CPPED1: variants seen among roughly 807,000 people sequenced by gnomAD.
CPPED1 encodes the protein calcineurin like phosphoesterase domain containing 1.
CPPED1 carries 28 observed loss-of-function variants against 28.0 expected under a neutral mutation model. That is an observed-to-expected ratio of 1.00 (90% CI 0.74 to 1.37). The LOEUF is 1.37. Ranked by LOEUF, CPPED1 falls within the 40% of genes most tolerant of loss-of-function variation. The probability of loss-of-function intolerance (pLI) is 0.00; values close to 1 mark genes in which losing one functional copy is unlikely to be tolerated. For missense variants in CPPED1, 504 were observed against 416.5 expected (o/e 1.21, Z -1.83); for synonymous variants, 198 against 180.2 (o/e 1.10, Z -0.79).
At chr16:12,745,491 T>C (rs1660718188) in intron 2 of CPPED1, among the ~76,000 whole-genome samples, 2 of 152,028 alleles carry the variant, frequency 1.3e-5, no homozygotes, top group African/African-American at 4.8e-5. Context: ...TACACAGCTA[T>C]AAAAAAAGGA....
At chr16:12,801,804 G>C (rs2080661461) in intron 1 of CPPED1, among the ~76,000 whole-genome samples, 1 of 152,168 alleles carries the variant, frequency 6.6e-6, no homozygotes, top group African/African-American at 2.4e-5. Flanking sequence ...GGTGGGGGTT[G>C]GGTGGACGAA....
At chr16:12,730,744 C>T (rs1210588223) in intron 2 of CPPED1, among the ~76,000 whole-genome samples, 3 of 152,116 alleles carry the variant, frequency 2.0e-5, no homozygotes, top group African/African-American at 7.2e-5. Flanking sequence ...ACAAGCAAAC[C>T]CAACTAGTCC....
chr16:12,756,856 T>C (rs1210969316), intron 2 of CPPED1, among the ~76,000 whole-genome samples: 1 of 152,038 alleles, frequency 6.6e-6, no homozygotes, highest in African/African-American at 2.4e-5. Context: ...ATCAAAGTTA[T>C]AGACACCTAC....
intron 1 of CPPED1, among the ~76,000 whole-genome samples, chr16:12,794,935 C>T (rs953458933): frequency 3.9e-5 from 6 of 152,202 alleles, no homozygotes. Context: ...CGTGGCCAGG[C>T]GGCTTTTGGC....
intron 2 of CPPED1, chr16:12,759,391 C>T (rs1467719431): frequency 6.6e-6 from 1 of 152,260 alleles, no homozygotes; most frequent in Non-Finnish European, 1.5e-5. Context: ...GTGTCACTCA[C>T]TAAAGGCTCA....
In CPPED1 at chr16:12,665,738, G is replaced by A. The variant is rs200714762; in HGVS notation, c.716-623C>T. On this transcript the variant is annotated intron_variant, in intron 3 of 3. Transcript: ENST00000381774. The stretch of plus-strand genomic sequence containing the variant: ...AGGTCAGGAGTTTGAGACCAGCGTG[G>A]CCAATATGGTGAAATCTCATACTAA... 1.3e-4 allele frequency among the ~76,000 whole-genome samples: 20 copies of A among 152,266 alleles called. No individual in the cohort carries two copies. In the East Asian group the frequency reaches 3.5e-3, roughly 26 times the overall value.
At chr16:12,786,029 A>T (rs969596205) in intron 1 of CPPED1, among the ~76,000 whole-genome samples, 4 of 152,080 alleles carry the variant, frequency 2.6e-5, no homozygotes, top group Non-Finnish European at 5.9e-5. Flanking sequence ...CAAACAGTAC[A>T]TGCCTGACAA....
chr16:12,776,144 T>A (rs1170288020), intron 2 of CPPED1, among the ~76,000 whole-genome samples: 1 of 151,896 alleles, frequency 6.6e-6, no homozygotes, highest in Non-Finnish European at 1.5e-5. Flanking sequence ...AGAATCAGAG[T>A]AACAGAATAT....
chr16:12,743,947 C>T (rs28445351), intron 2 of CPPED1, among the ~76,000 whole-genome samples: 4,429 of 150,590 alleles, frequency 0.029, 137 homozygotes, highest in African/African-American at 0.08. Context: ...AGAGCAAGAC[C>T]CTGTCTCAAA....
chr16:12,720,126 T>C lies in CPPED1; in HGVS notation c.290-15077A>G, dbSNP rs144182661. Among the ~76,000 whole-genome samples, 587 of 152,290 alleles carry C rather than the reference T, an allele frequency of 3.9e-3. 8 individuals are homozygous for C. Among genetic ancestry groups the C allele is most frequent in the African/African-American group, 0.014 (568 of 41,570 alleles). On this transcript the variant is annotated intron_variant, in intron 2 of 3. Transcript: ENST00000381774. ...GCCTAGACAGGAGAGCACAGATGCC[T>C]TCACACCGATCCTGTCTTCCCGAGA...
At chr16:12,733,859 G>C (rs2080212179) in intron 2 of CPPED1, among the ~76,000 whole-genome samples, 1 of 151,912 alleles carries the variant, frequency 6.6e-6, no homozygotes, top group South Asian at 2.1e-4. Context: ...ACAGCTACTT[G>C]ACTTCTTAAT....
At chr16:12,751,889 T>A (rs1383493543) in intron 2 of CPPED1, among the ~76,000 whole-genome samples, 1 of 152,210 alleles carries the variant, frequency 6.6e-6, no homozygotes, top group Non-Finnish European at 1.5e-5. Context: ...TGTAGCCCAA[T>A]ACCTAATCCT....
At chr16:12,788,868 G>A (rs928161515) in intron 1 of CPPED1, among the ~76,000 whole-genome samples, 6 of 152,196 alleles carry the variant, frequency 3.9e-5, no homozygotes, top group Non-Finnish European at 5.9e-5. Flanking sequence ...CTGGTCGGCC[G>A]TGATGTTCAG....
At chr16:12,766,409 G>A (rs1311740809) in intron 2 of CPPED1, among the ~76,000 whole-genome samples, 3 of 151,512 alleles carry the variant, frequency 2.0e-5, no homozygotes, top group Admixed American at 2.0e-4. Context: ...TCACGTGGCT[G>A]GGAGGCAGAA....
chr16:12,803,866 T>C lies in CPPED1; in HGVS notation c.-90A>G. 1 of 1,274,226 alleles carries C rather than the reference T, an allele frequency of 7.8e-7. No homozygotes were observed. Among genetic ancestry groups the C allele is most frequent in the African/African-American group, 1.5e-5 (1 of 65,204 alleles). The allele number at this position is 1,274,226 out of a possible 1,614,324, so 78.9% of individuals were successfully genotyped here. On this transcript the variant is annotated 5_prime_UTR_variant, in exon 1 of 4. Coordinates refer to ENST00000381774, the MANE Select transcript of CPPED1 (RefSeq NM_018340.3). Reference sequence around the variant, plus strand: ...GAACAACCGCTGGACCTGTCCCGCTTTGGGCGACGCCCTTTGATCTCGGGG... The same window carrying C: ...GAACAACCGCTGGACCTGTCCCGCTCTGGGCGACGCCCTTTGATCTCGGGG...
chr16:12,781,925 G>C (rs2080534119), intron 1 of CPPED1, among the ~76,000 whole-genome samples: 1 of 151,930 alleles, frequency 6.6e-6, no homozygotes, highest in South Asian at 2.1e-4. Flanking sequence ...CTGGTGGGAG[G>C]TGTGGTGCCA....
intron 2 of CPPED1, among the ~76,000 whole-genome samples, chr16:12,771,689 A>T (rs756135842): frequency 3.9e-5 from 6 of 152,232 alleles, no homozygotes; most frequent in Non-Finnish European, 8.8e-5. Flanking sequence ...GCTGGAGGAA[A>T]ATGAGTATCA....
chr16:12,720,158 C>T (rs909434566), intron 2 of CPPED1, among the ~76,000 whole-genome samples: 3 of 152,176 alleles, frequency 2.0e-5, no homozygotes, highest in Admixed American at 6.6e-5. Context: ...GAGAGAGATA[C>T]GCTCTTGGTT....
chr16:12,780,370 T>A (rs1446464011), intron 2 of CPPED1, among the ~76,000 whole-genome samples: 1 of 152,016 alleles, frequency 6.6e-6, no homozygotes, highest in Admixed American at 6.6e-5. Context: ...GAGACGGGGT[T>A]TCACCATGAT....
Sources: allele counts gnomAD v4.1 joint callset (sites outside exome capture counted in the v4.1 genomes callset), GRCh38; gene constraint gnomAD v4.1.1; transcripts MANE v1.5; gene names NCBI Gene and HGNC (gene_info 2026-07-23, HGNC 2026-07-21).